RAB11FIP5: variants seen among roughly 807,000 people sequenced by gnomAD.
RAB11FIP5 encodes rab11 family-interacting protein 5.
RAB11FIP5 carries 48 observed loss-of-function variants against 85.1 expected under a neutral mutation model. The ratio of observed to expected loss-of-function variants is 0.56; its 90% CI spans 0.45 to 0.72. The LOEUF (loss-of-function observed/expected upper bound fraction) is 0.72, where lower values mean the gene tolerates loss of function less well. Ranked by LOEUF, RAB11FIP5 falls within the 30% of genes least tolerant of loss-of-function variation. RAB11FIP5 has a pLI of 0.00. For missense variants in RAB11FIP5, 1,491 were observed against 1,687.0 expected, an observed-to-expected ratio of 0.88 and a Z score of 2.04; for synonymous variants, 729 against 727.3, an observed-to-expected ratio of 1.00 and a Z score of -0.04.
chr2:73,103,009 G>A (rs1684458647), intron 1 of RAB11FIP5, among the ~76,000 whole-genome samples: 1 of 152,160 alleles, frequency 6.6e-6, no homozygotes, highest in Non-Finnish European at 1.5e-5. Flanking sequence ...CCACCCTGAT[G>A]CCTCCTCTCC....
Position 73,089,197 on chromosome 2 carries a change from C to T in RAB11FIP5, c.550G>A (p.Asp184Asn), listed in dbSNP as rs1271790408. The T allele has an allele frequency of 1.9e-6, 3 of 1,614,074 alleles. No homozygotes were observed. The highest frequency in any genetic ancestry group is 8.5e-7 in the Non-Finnish European group (1 of 1,180,034). The change falls in exon 2 of 6, where the codon GAC becomes AAC. Residue 184 changes from aspartate to asparagine, a missense_variant. Physicochemically the swap from Asp to Asn is conservative, Grantham distance 23. Coordinates refer to ENST00000486777, the MANE Select transcript of RAB11FIP5 (RefSeq NM_001371272.1). The surrounding 1 kb of genome is among the most constrained non-coding windows in gnomAD (Gnocchi z 4.6). The part of the protein sequence containing the change: ...SASMFDLSMK[D>N]KPRSPFSKIR... ...TTGCTGAAGGGAGACCTTGGCTTGT[C>T]CTTCATGGACAGGTCAAACATACTG...
Position 73,081,273 on chromosome 2 carries a change from G to T in RAB11FIP5, c.1959C>A (p.Asn653Lys), listed in dbSNP as rs1227596904. The stretch of plus-strand genomic sequence containing the variant: ...GACGCAGCCTGCTGGCAGCAAAGAC[G>T]TTGAAGGTGTTGTCCCACTCAGGCA... ...KALPEWDNTF[N>K]VFAASRLRPE... Residue 653 changes from asparagine (N) to lysine (K), a missense_variant, in exon 4 of 6, where the codon AAC becomes AAA. Coordinates refer to ENST00000486777, the MANE Select transcript of RAB11FIP5 (RefSeq NM_001371272.1). The surrounding 1 kb of genome is among the most constrained non-coding windows in gnomAD (Gnocchi z 4.2). The T allele has an allele frequency of 8.1e-6, 10 of 1,232,474 alleles. No homozygotes were observed. The East Asian group carries it at 2.8e-4, about 35-fold the overall frequency. The allele number at this position is 1,232,474 out of a possible 1,614,324, so 76.3% of individuals were successfully genotyped here.
chr2:73,094,925 C>T (rs1351619844), intron 1 of RAB11FIP5, among the ~76,000 whole-genome samples: 1 of 151,696 alleles, frequency 6.6e-6, no homozygotes, highest in African/African-American at 2.4e-5. Context: ...ATTAGGCCTC[C>T]TAGATCAGAA....
chr2:73,093,883 G>A (rs538611336), intron 1 of RAB11FIP5, among the ~76,000 whole-genome samples: 5 of 152,322 alleles, frequency 3.3e-5, no homozygotes, highest in East Asian at 3.9e-4. Flanking sequence ...CACTTTGGGA[G>A]GCCAAGGCGG....
At chr2:73,105,109 G>A (rs868035011) in intron 1 of RAB11FIP5, among the ~76,000 whole-genome samples, 31 of 152,228 alleles carry the variant, frequency 2.0e-4, no homozygotes, top group African/African-American at 7.2e-4. Flanking sequence ...AGCATGTGAC[G>A]TCTTGGGAAG....
intron 3 of RAB11FIP5, chr2:73,084,467 C>G (rs1684056551): frequency 6.6e-6 from 1 of 152,190 alleles, no homozygotes; most frequent in African/African-American, 2.4e-5. Flanking sequence ...GCGGTGGGGG[C>G]AGCAATATAT....
Position 73,089,125 on chromosome 2 carries a change from C to T in RAB11FIP5, c.622G>A (p.Ala208Thr). The change falls in exon 2 of 6, where the codon GCC becomes ACC. Residue 208 changes from alanine (A) to threonine (T), a missense_variant. Coordinates refer to ENST00000486777, the MANE Select transcript of RAB11FIP5 (RefSeq NM_001371272.1). This position sits in a 1 kb window ranked among gnomAD's most constrained non-coding sequence, Gnocchi z 4.6. ...GCGCTGCTTGGGAGGATGGCAGAGGCAGATTCCAGATCATACTTCTTCTTG... is the reference window on the plus strand; with the variant it reads ...GCGCTGCTTGGGAGGATGGCAGAGGTAGATTCCAGATCATACTTCTTCTTG... ...KGKKKYDLES[A>T]SAILPSSAIE... is the part of the protein sequence containing the mutation. 2.5e-6 allele frequency: 4 copies of T among 1,614,222 alleles called. No homozygotes were observed. Among genetic ancestry groups the T allele is most frequent in the Non-Finnish European group, 8.5e-7 (1 of 1,180,018 alleles).
Position 73,080,925 on chromosome 2 carries a change from T to C in RAB11FIP5, c.2307A>G (p.Glu769=). ...CTGCTTCCACTTCCGGGGCTGGCAGTTCCCTGTCTGGTTCTGAGCCTGAGG... is the reference window on the plus strand; with the variant it reads ...CTGCTTCCACTTCCGGGGCTGGCAGCTCCCTGTCTGGTTCTGAGCCTGAGG... ...LRASGSEPDR[E]LPAPEVEAGQ... The change falls in exon 4 of 6, where the codon GAA becomes GAG. Residue 769 remains glutamate, a synonymous_variant. Coordinates refer to ENST00000486777, the MANE Select transcript of RAB11FIP5 (RefSeq NM_001371272.1). 2.4e-6 allele frequency: 3 copies of C among 1,232,670 alleles called. No individual in the cohort carries two copies. Among genetic ancestry groups the C allele is most frequent in the Non-Finnish European group, 3.0e-6 (3 of 988,400 alleles). The allele number at this position is 1,232,670 out of a possible 1,614,324, so 76.4% of individuals were successfully genotyped here.
intron 1 of RAB11FIP5, among the ~76,000 whole-genome samples, chr2:73,108,542 C>T (rs1327203067): frequency 6.6e-6 from 1 of 152,250 alleles, no homozygotes; most frequent in African/African-American, 2.4e-5. Flanking sequence ...TACTCCAAAA[C>T]CTTTGCTGCT....
rs1263505804 is a variant in RAB11FIP5 at position 73,101,676 on chromosome 2, C to T, written c.431+10671G>A. On this transcript the variant is annotated intron_variant, in intron 1 of 5. Transcript: ENST00000486777. ...CCTTGTCCTAAGACTGAGCCCCACC[C>T]CTGCTCTCCTCCCTCAGCCCCTGTG... Among the ~76,000 whole-genome samples, 4 of 152,294 alleles carry T rather than the reference C, an allele frequency of 2.6e-5. No homozygotes were observed. In the East Asian group the frequency reaches 5.8e-4, roughly 22 times the overall value.
chr2:73,080,901 T>C lies in RAB11FIP5; in HGVS notation c.2331A>G (p.Ala777=). The C allele has an allele frequency of 8.1e-7, 1 of 1,232,606 alleles. No individual in the cohort carries two copies. The highest frequency in any genetic ancestry group is 1.0e-6 in the Non-Finnish European group (1 of 988,350). 76.4% of individuals were successfully genotyped at this position (1,232,606 alleles called of 1,614,324 possible). ...TCCCACTGTCTGCCGGACTCTGCCCTGCTTCCACTTCCGGGGCTGGCAGTT... is the reference window on the plus strand; with the variant it reads ...TCCCACTGTCTGCCGGACTCTGCCCCGCTTCCACTTCCGGGGCTGGCAGTT... ...DRELPAPEVE[A]GQSPADSGTS... is the part of the protein sequence containing the mutation. The change falls in exon 4 of 6, where the codon GCA becomes GCG. Residue 777 remains alanine (A), a synonymous_variant. Coordinates refer to ENST00000486777, the MANE Select transcript of RAB11FIP5 (RefSeq NM_001371272.1).
chr2:73,089,525 C>A lies in RAB11FIP5; in HGVS notation c.432-210G>T. 1.5e-6 allele frequency: 1 copy of A among 658,348 alleles called. No individual in the cohort carries two copies. 40.8% of individuals were successfully genotyped at this position (658,348 alleles called of 1,614,324 possible). A position where few individuals can be genotyped will look rare whatever the true frequency, so the allele number is the denominator to read the frequency against. Reference sequence around the variant, plus strand: ...AAAACATTTCCATGATGGAGAAAACCACATCCTGAGTGGGGAAGCTCCTCG... The same window carrying A: ...AAAACATTTCCATGATGGAGAAAACAACATCCTGAGTGGGGAAGCTCCTCG... On this transcript the variant is annotated intron_variant, in intron 1 of 5. Coordinates refer to ENST00000486777, the MANE Select transcript of RAB11FIP5 (RefSeq NM_001371272.1). The surrounding 1 kb of genome is among the most constrained non-coding windows in gnomAD (Gnocchi z 4.6).
rs1447696298 is a variant in RAB11FIP5, at chr2:73,088,344, C to G, written c.1274G>C (p.Gly425Ala). Residue 425 changes from glycine (G) to alanine (A), a missense_variant, in exon 3 of 6, where the codon GGG (glycine) becomes GCG (alanine). Physicochemically the swap from Gly to Ala is moderately conservative, Grantham distance 60. Coordinates refer to ENST00000486777, the MANE Select transcript of RAB11FIP5 (RefSeq NM_001371272.1). ...TGGCTTGCCCTCTGGTAGCCGGGCC[C>G]CCTCCTCCTCTCCAGGGTGGCTGGC... ...PGASHPGEEE[G>A]ARLPEGKPVQ... 1.2e-6 allele frequency: 2 copies of G among 1,613,714 alleles called. No homozygotes were observed. Among genetic ancestry groups the G allele is most frequent in the South Asian group, 2.2e-5 (2 of 91,086 alleles).
At chr2:73,110,813 G>T (rs1684641319) in intron 1 of RAB11FIP5, among the ~76,000 whole-genome samples, 2 of 152,100 alleles carry the variant, frequency 1.3e-5, no homozygotes, top group African/African-American at 4.8e-5. Context: ...AGCACCCCCT[G>T]AACAGATGTG....
rs898333094 is a variant in RAB11FIP5 at position 73,080,986 on chromosome 2, C to A, written c.2246G>T (p.Gly749Val). The change falls in exon 4 of 6, where the codon GGC becomes GTC. Residue 749 changes from glycine (G) to valine (V), a missense_variant. Gly to Val is a moderately radical substitution (Grantham distance 109). Around this residue, in one of 3 missense-constraint regions of RAB11FIP5, gnomAD observed 1,211 missense variants for 1,338.0 expected, o/e 0.91. Transcript: ENST00000486777. ...DPGLLGSVGA[G>V]LPSSSAQLQL... ...TAGCTGGGCTGACGAGGAGGGCAGG[C>A]CAGCCCCTACCGACCCGAGGAGCCC... 6 of 1,232,196 alleles carry A rather than the reference C, an allele frequency of 4.9e-6. No individual in the cohort carries two copies. Among genetic ancestry groups the A allele is most frequent in the African/African-American group, 3.1e-5 (2 of 64,410 alleles). 76.3% of individuals were successfully genotyped at this position (1,232,196 alleles called of 1,614,324 possible).
Position 73,089,055 on chromosome 2 carries a change from G to A in RAB11FIP5, c.692C>T (p.Ala231Val), listed in dbSNP as rs1396490503. ...DLGSLGKMGKAKGFFLRNKLR... is the reference protein window; with the variant it reads ...DLGSLGKMGKVKGFFLRNKLR... The stretch of plus-strand genomic sequence containing the variant: ...CTTGTTGCGGAGGAAGAAGCCTTTG[G>A]CTTTGCCCATCTTGCCCAGGCTGCC... The change falls in exon 2 of 6, where the codon GCC becomes GTC. Residue 231 changes from alanine (A) to valine (V), a missense_variant. Physicochemically the swap from Ala to Val is moderately conservative, Grantham distance 64. Coordinates refer to ENST00000486777, the MANE Select transcript of RAB11FIP5 (RefSeq NM_001371272.1). The surrounding 1 kb of genome is among the most constrained non-coding windows in gnomAD (Gnocchi z 4.6). 7 of 1,614,102 alleles carry A rather than the reference G, an allele frequency of 4.3e-6. No homozygotes were observed. The highest frequency in any genetic ancestry group is 1.3e-5 in the African/African-American group (1 of 74,942).
Position 73,079,760 on chromosome 2 carries a change from C to A in RAB11FIP5, c.3472G>T (p.Gly1158Cys). Reference sequence around the variant, plus strand: ...TCCTCCCTAAGTAGGGCAGGGGAGCCCCCAGGTGGGGAGGGCTCATGGGGG... The same window carrying A: ...TCCTCCCTAAGTAGGGCAGGGGAGCACCCAGGTGGGGAGGGCTCATGGGGG... Reference protein sequence around the residue: ...PGPHEPSPPGGSPALLREDLA... With the variant: ...PGPHEPSPPGCSPALLREDLA... The change falls in exon 4 of 6, where the codon GGC becomes TGC. Residue 1158 changes from glycine to cysteine, a missense_variant. Physicochemically the swap from Gly to Cys is radical, Grantham distance 159 (BLOSUM62 -3). Around this residue, in one of 3 missense-constraint regions of RAB11FIP5, gnomAD observed 232 missense variants for 259.1 expected, o/e 0.90. Transcript: ENST00000486777. 1 of 1,232,504 alleles carries A rather than the reference C, an allele frequency of 8.1e-7. No individual in the cohort carries two copies. Among genetic ancestry groups the A allele is most frequent in the Non-Finnish European group, 1.0e-6 (1 of 988,258 alleles). 76.3% of individuals were successfully genotyped at this position (1,232,504 alleles called of 1,614,324 possible).
At chr2:73,092,270 C>T (rs1018861774) in intron 1 of RAB11FIP5, among the ~76,000 whole-genome samples, 3 of 152,200 alleles carry the variant, frequency 2.0e-5, no homozygotes, top group Non-Finnish European at 4.4e-5. Context: ...CTAGGATCAG[C>T]AAGCACAGCC....
chr2:73,079,881 G>A lies in RAB11FIP5; in HGVS notation c.3351C>T (p.His1117=), dbSNP rs1316070197. The A allele has an allele frequency of 1.6e-6, 2 of 1,232,398 alleles. No homozygotes were observed. The highest frequency in any genetic ancestry group is 2.0e-6 in the Non-Finnish European group (2 of 988,272). 76.3% of individuals were successfully genotyped at this position (1,232,398 alleles called of 1,614,324 possible). ...PPPLPPWASH[H]RGGPSPPCSP... is the part of the protein sequence containing the mutation. Reference sequence around the variant, plus strand: ...AGCATGGAGGGCTGGGCCCCCCACGGTGGTGGCTGGCCCAAGGCGGGAGAG... The same window carrying A: ...AGCATGGAGGGCTGGGCCCCCCACGATGGTGGCTGGCCCAAGGCGGGAGAG... The change falls in exon 4 of 6, where the codon CAC becomes CAT. Residue 1117 remains histidine (H), a synonymous_variant. Transcript: ENST00000486777.
Sources: allele counts gnomAD v4.1 joint callset (sites outside exome capture counted in the v4.1 genomes callset), GRCh38; gene constraint gnomAD v4.1.1; regional missense constraint gnomAD v4.1.1; non-coding constraint Gnocchi (gnomAD v3.1); transcripts MANE v1.5; gene names NCBI Gene and HGNC (gene_info 2026-07-23, HGNC 2026-07-21).